HS6ST3: variants seen among roughly 807,000 people sequenced by gnomAD.
HS6ST3 encodes heparan-sulfate 6-O-sulfotransferase 3.
Under a neutral mutation model 36.7 loss-of-function variants are expected in HS6ST3, and 12 were observed. That is an observed-to-expected ratio of 0.33 (90% CI 0.21 to 0.53). The LOEUF (loss-of-function observed/expected upper bound fraction) is 0.53. Ranked by LOEUF, HS6ST3 falls within the 20% of genes least tolerant of loss-of-function variation. The probability of loss-of-function intolerance (pLI) is 0.95; values close to 1 mark genes in which losing one functional copy is unlikely to be tolerated. For missense variants in HS6ST3, 584 were observed against 640.9 expected, an observed-to-expected ratio of 0.91 and a Z score of 0.96; for synonymous variants, 240 against 257.5, an observed-to-expected ratio of 0.93 and a Z score of 0.65.
intron 1 of HS6ST3, among the ~76,000 whole-genome samples, chr13:96,710,668 G>T (rs1036545726): frequency 6.6e-6 from 1 of 152,222 alleles, no homozygotes. Flanking sequence ...TGGATACTGC[G>T]GGAGGACCCG....
chr13:96,454,548 A>G (rs2055745536), intron 1 of HS6ST3, among the ~76,000 whole-genome samples: 1 of 152,148 alleles, frequency 6.6e-6, no homozygotes. Flanking sequence ...TGCATTGATT[A>G]TAACACTAAA....
chr13:96,112,049 A>C (rs2053870813), intron 1 of HS6ST3, among the ~76,000 whole-genome samples: 1 of 152,184 alleles, frequency 6.6e-6, no homozygotes, highest in African/African-American at 2.4e-5. Flanking sequence ...GATATAAACC[A>C]TGTTGGAAAC....
intron 1 of HS6ST3, among the ~76,000 whole-genome samples, chr13:96,433,976 C>G (rs1434631821): frequency 6.6e-6 from 1 of 152,018 alleles, no homozygotes; most frequent in Non-Finnish European, 1.5e-5. Context: ...TTATAAACTG[C>G]CCAGTCTTGG....
chr13:96,441,961 G>T (rs181301738), intron 1 of HS6ST3, among the ~76,000 whole-genome samples: 2 of 151,360 alleles, frequency 1.3e-5, no homozygotes, highest in Admixed American at 1.3e-4. Flanking sequence ...AAATTTTCCA[G>T]AGTTAAAAAT....
At chr13:96,378,475 T>C (rs1449730766) in intron 1 of HS6ST3, among the ~76,000 whole-genome samples, 1 of 152,166 alleles carries the variant, frequency 6.6e-6, no homozygotes, top group Non-Finnish European at 1.5e-5. Flanking sequence ...CTGGAAACTG[T>C]TCTACCTGGT....
At chr13:96,348,461 A>C (rs934846905) in intron 1 of HS6ST3, among the ~76,000 whole-genome samples, 48 of 152,336 alleles carry the variant, frequency 3.2e-4, no homozygotes, top group African/African-American at 1.1e-3. Context: ...GTGACTAACC[A>C]TGTAAGATGA....
chr13:96,343,114 A>C, intron 1 of HS6ST3, among the ~76,000 whole-genome samples: 1 of 152,018 alleles, frequency 6.6e-6, no homozygotes, highest in South Asian at 2.1e-4. Context: ...TGACAACCAG[A>C]CTCATTAGTC....
At chr13:96,302,498 G>A (rs955852531) in intron 1 of HS6ST3, among the ~76,000 whole-genome samples, 1 of 151,892 alleles carries the variant, frequency 6.6e-6, no homozygotes, top group East Asian at 1.9e-4. Flanking sequence ...ATCTATTGTT[G>A]AATAAATAAT....
rs2139289661 is a variant in HS6ST3, at chr13:96,091,586, G to C, written c.707+17G>C. 1 of 1,548,268 alleles carries C rather than the reference G, an allele frequency of 6.5e-7. No homozygotes were observed. On this transcript the variant is annotated intron_variant, in intron 1 of 1. Coordinates refer to ENST00000376705, the MANE Select transcript of HS6ST3 (RefSeq NM_153456.4). Reference sequence around the variant, plus strand: ...CCACACCAGGTACTGTCGCCCGCTGGGTCTCTGTTCTTCCCCCCCACCCCC... The same window carrying C: ...CCACACCAGGTACTGTCGCCCGCTGCGTCTCTGTTCTTCCCCCCCACCCCC...
chr13:96,559,655 G>T (rs1202241358), intron 1 of HS6ST3, among the ~76,000 whole-genome samples: 1 of 152,072 alleles, frequency 6.6e-6, no homozygotes, highest in Non-Finnish European at 1.5e-5. Flanking sequence ...GAATAACCCA[G>T]GTGCTGATCA....
At chr13:96,801,932 A>C (rs1878083211) in intron 1 of HS6ST3, among the ~76,000 whole-genome samples, 1 of 152,158 alleles carries the variant, frequency 6.6e-6, no homozygotes, top group African/African-American at 2.4e-5. Flanking sequence ...TCAATAGCTC[A>C]GGAATGTAAG....
chr13:96,821,320 C>G (rs1878530033), intron 1 of HS6ST3, among the ~76,000 whole-genome samples: 1 of 152,184 alleles, frequency 6.6e-6, no homozygotes, highest in Non-Finnish European at 1.5e-5. Flanking sequence ...AATCCCTCAC[C>G]CTGTGATGTT....
At chr13:96,666,244 G>A (rs190788148) in intron 1 of HS6ST3, among the ~76,000 whole-genome samples, 29 of 152,228 alleles carry the variant, frequency 1.9e-4, no homozygotes, top group African/African-American at 6.7e-4. Flanking sequence ...ACAGCATGGG[G>A]GTAAGCCCCA....
chr13:96,220,394 G>A (rs1594721008), intron 1 of HS6ST3, among the ~76,000 whole-genome samples: 1 of 152,130 alleles, frequency 6.6e-6, no homozygotes, highest in East Asian at 1.9e-4. Context: ...GGGTTGTAAA[G>A]GAAGGCACTT....
chr13:96,481,089 T>A (rs2055888095), intron 1 of HS6ST3, among the ~76,000 whole-genome samples: 1 of 152,300 alleles, frequency 6.6e-6, no homozygotes, highest in African/African-American at 2.4e-5. Flanking sequence ...GAATGATAAT[T>A]TCTTGATATT....
At chr13:96,762,660 C>T (rs78965369) in intron 1 of HS6ST3, among the ~76,000 whole-genome samples, 1 of 152,226 alleles carries the variant, frequency 6.6e-6, no homozygotes, top group East Asian at 1.9e-4. Flanking sequence ...GGTGTCCTTG[C>T]CACACTGTGA....
intron 1 of HS6ST3, among the ~76,000 whole-genome samples, chr13:96,137,926 CAAGT>C (rs1051852466): frequency 6.6e-6 from 1 of 152,148 alleles, no homozygotes; most frequent in Non-Finnish European, 1.5e-5. Context: ...TTGAAAGAAA[CAAGT>C]AAGACAATTG....
At chr13:96,365,211 C>T (rs2055257225) in intron 1 of HS6ST3, among the ~76,000 whole-genome samples, 1 of 152,184 alleles carries the variant, frequency 6.6e-6, no homozygotes, top group Non-Finnish European at 1.5e-5. Flanking sequence ...TTTGCCAGGT[C>T]TGGGAGGAGG....
chr13:96,519,604 C>T (rs1375881168), intron 1 of HS6ST3, among the ~76,000 whole-genome samples: 8 of 152,152 alleles, frequency 5.3e-5, no homozygotes, highest in Admixed American at 5.2e-4. Flanking sequence ...GCAGTTACAA[C>T]TTACTTGGAA....
Sources: allele counts gnomAD v4.1 joint callset (sites outside exome capture counted in the v4.1 genomes callset), GRCh38; gene constraint gnomAD v4.1.1; transcripts MANE v1.5; gene names NCBI Gene and HGNC (gene_info 2026-07-23, HGNC 2026-07-21).